Variants in GRIK3 observed in about 807,000 individuals in gnomAD.
GRIK3 encodes glutamate ionotropic receptor kainate type subunit 3, also known as glutamate receptor ionotropic, kainate 3.
In GRIK3, 29 loss-of-function variants were observed where a neutral mutation model predicts 102.5. That is an observed-to-expected ratio of 0.28 (90% confidence interval 0.21 to 0.39). The LOEUF is 0.39. Ranked by LOEUF, GRIK3 falls within the 10% of genes least tolerant of loss-of-function variation. The probability of loss-of-function intolerance (pLI) is 1.00; values close to 1 mark genes in which losing one functional copy is unlikely to be tolerated. For missense variants in GRIK3, 908 were observed against 1,252.4 expected (o/e 0.73, Z 4.15); for synonymous variants, 511 against 504.9 (o/e 1.01, Z -0.16).
intron 13 of GRIK3, among the ~76,000 whole-genome samples, chr1:36,807,908 C>T (rs1642518050): frequency 6.6e-6 from 1 of 152,200 alleles, no homozygotes; most frequent in Admixed American, 6.5e-5. Flanking sequence ...ATGCCTGCAG[C>T]TCTCACTGGC....
chr1:36,823,239 C>T (rs577845995), intron 11 of GRIK3, among the ~76,000 whole-genome samples: 29 of 152,044 alleles, frequency 1.9e-4, no homozygotes, highest in African/African-American at 6.7e-4. Flanking sequence ...TTTGGGAGGC[C>T]GAGACGGGTG....
At chr1:36,993,948 C>G (rs1642388598) in intron 1 of GRIK3, among the ~76,000 whole-genome samples, 2 of 152,202 alleles carry the variant, frequency 1.3e-5, no homozygotes, top group South Asian at 4.1e-4. Flanking sequence ...AATCCTGCTT[C>G]CCTCCCTTCT....
Position 37,032,428 on chromosome 1 carries a change from G to A in GRIK3, c.115+1566C>T, listed in dbSNP as rs575773663. ...TTCCCCAAGGACACCCTACGACGCA[G>A]GCCCCCAAAAAAGCAGAGGGAAGGA... On this transcript the variant is annotated intron_variant, in intron 1 of 15. Transcript: ENST00000373091. 1.8e-4 allele frequency among the ~76,000 whole-genome samples: 28 copies of A among 152,138 alleles called. 1 individual carries two copies. The South Asian group carries it at 5.6e-3, about 30-fold the overall frequency.
At position 36,801,722 on chromosome 1, in the gene GRIK3, C is replaced by A; in HGVS notation, c.*129G>T. ...CTTCCTGGCAGGTAAGGGCAGGAGG[C>A]TCCTGGCCCAACAGGCAGGTGGCAG... is the stretch of plus-strand genomic sequence containing the variant. On this transcript the variant is annotated 3_prime_UTR_variant, in exon 16 of 16. Transcript: ENST00000373091. 1 of 719,780 alleles carries A rather than the reference C, an allele frequency of 1.4e-6. No homozygotes were observed. Among genetic ancestry groups the A allele is most frequent in the Non-Finnish European group, 2.1e-6 (1 of 466,824 alleles). The allele number at this position is 719,780 out of a possible 1,614,324, so 44.6% of individuals were successfully genotyped here.
At chr1:36,924,556 C>G (rs1641507512) in intron 1 of GRIK3, among the ~76,000 whole-genome samples, 1 of 152,140 alleles carries the variant, frequency 6.6e-6, no homozygotes, top group Non-Finnish European at 1.5e-5. Context: ...CTGCTGGGTA[C>G]CCGGTTGGGG....
At chr1:36,814,321 G>A (rs1007066462) in intron 13 of GRIK3, among the ~76,000 whole-genome samples, 5 of 152,142 alleles carry the variant, frequency 3.3e-5, no homozygotes, top group Non-Finnish European at 7.4e-5. Context: ...GGGTTCATGC[G>A]TTATGCATGA....
intron 1 of GRIK3, among the ~76,000 whole-genome samples, chr1:37,001,569 C>T (rs1266910881): frequency 6.6e-6 from 1 of 151,836 alleles, no homozygotes; most frequent in Non-Finnish European, 1.5e-5. Flanking sequence ...GAGGCCTGGC[C>T]ATTTGCTCAT....
chr1:36,874,919 A>G (rs1241956227), intron 3 of GRIK3, among the ~76,000 whole-genome samples: 6 of 152,224 alleles, frequency 3.9e-5, no homozygotes, highest in African/African-American at 1.4e-4. Context: ...AGCCCACTCC[A>G]GCAGAGGACT....
chr1:36,909,949 A>G (rs1435677013), intron 1 of GRIK3, among the ~76,000 whole-genome samples: 1 of 152,182 alleles, frequency 6.6e-6, no homozygotes, highest in Non-Finnish European at 1.5e-5. Context: ...TCTGCCTCCC[A>G]GGTGAGGATG....
intron 2 of GRIK3, among the ~76,000 whole-genome samples, chr1:36,887,756 C>CAA (rs375757853): frequency 1.7e-4 from 18 of 103,634 alleles, no homozygotes; most frequent in African/African-American, 6.3e-4. Context: ...AATTCCATCT[C>CAA]AAAAAAAAAA....
chr1:36,876,997 C>A (rs891516676), intron 3 of GRIK3, among the ~76,000 whole-genome samples: 1 of 152,174 alleles, frequency 6.6e-6, no homozygotes, highest in African/African-American at 2.4e-5. Flanking sequence ...TATCCTATCT[C>A]CTTTTGAGAA....
intron 1 of GRIK3, among the ~76,000 whole-genome samples, chr1:36,922,012 CT>C (rs971684641): frequency 6.6e-6 from 1 of 152,152 alleles, no homozygotes; most frequent in Non-Finnish European, 1.5e-5. Context: ...TTTTATGCTG[CT>C]CATCAGGGCC....
In GRIK3 at chr1:36,857,080, G is replaced by A. The variant is rs569373929; in HGVS notation, c.1104+2028C>T. On this transcript the variant is annotated intron_variant, in intron 7 of 15. Coordinates refer to ENST00000373091, the MANE Select transcript of GRIK3 (RefSeq NM_000831.4). ...GTGCTATTTTTATCTCCACTGGACA[G>A]AGGAGGACACTGAGGCACAGAAAGC... is the stretch of plus-strand genomic sequence containing the variant. Among the ~76,000 whole-genome samples, 10 of 152,344 alleles carry A rather than the reference G, an allele frequency of 6.6e-5. No homozygotes were observed. In the East Asian group the frequency reaches 1.9e-3, roughly 29 times the overall value.
At chr1:36,975,027 A>ATCTGTACCCATGTAT in intron 1 of GRIK3, among the ~76,000 whole-genome samples, 1 of 152,248 alleles carries the variant, frequency 6.6e-6, no homozygotes, top group South Asian at 2.1e-4. Flanking sequence ...TTTCATGGGT[A>ATCTGTACCCATGTAT]CAGAGTTTCT....
At chr1:36,987,732 C>A (rs1359465404) in intron 1 of GRIK3, among the ~76,000 whole-genome samples, 1 of 152,082 alleles carries the variant, frequency 6.6e-6, no homozygotes, top group African/African-American at 2.4e-5. Context: ...ATGGGTACAG[C>A]CCAGGCCAGG....
intron 1 of GRIK3, among the ~76,000 whole-genome samples, chr1:36,932,021 C>T (rs1273803045): frequency 6.6e-6 from 1 of 152,200 alleles, no homozygotes; most frequent in Non-Finnish European, 1.5e-5. Flanking sequence ...CTGAAGCTCA[C>T]TGTGACGGCC....
intron 7 of GRIK3, among the ~76,000 whole-genome samples, chr1:36,857,787 G>A (rs1180429414): frequency 6.6e-6 from 1 of 152,210 alleles, no homozygotes; most frequent in Admixed American, 6.5e-5. Flanking sequence ...CCCCATCCAA[G>A]GTGGGGAGTT....
chr1:36,971,504 TG>T (rs1378887052), intron 1 of GRIK3, among the ~76,000 whole-genome samples: 2 of 152,174 alleles, frequency 1.3e-5, no homozygotes, highest in African/African-American at 4.8e-5. Flanking sequence ...CACTTAGAGT[TG>T]GGCCTCTAAA....
rs554431749 is a variant in GRIK3 at position 36,926,396 on chromosome 1, T to A, written c.116-35300A>T. 1.8e-3 allele frequency among the ~76,000 whole-genome samples: 241 copies of A among 134,790 alleles called. 1 individual carries two copies. Among genetic ancestry groups the A allele is most frequent in the Non-Finnish European group, 2.8e-3 (180 of 64,574 alleles). The allele number at this position is 134,790 out of a possible 152,430, so 88.4% of individuals were successfully genotyped here. A position where few individuals can be genotyped will look rare whatever the true frequency, so the allele number is the denominator to read the frequency against. Reference sequence around the variant, plus strand: ...TCCCTTCATCCCCTCTACGCCCCACTTTTTTTTTTTTTGAGATGGAGTCTC... The same window carrying A: ...TCCCTTCATCCCCTCTACGCCCCACATTTTTTTTTTTTGAGATGGAGTCTC... On this transcript the variant is annotated intron_variant, in intron 1 of 15. Transcript: ENST00000373091.
Sources: gnomAD v4.1 joint callset for allele counts (sites outside exome capture counted in the v4.1 genomes callset) on GRCh38, gnomAD v4.1.1 for gene constraint, MANE v1.5 for transcripts, NCBI Gene and HGNC (gene_info 2026-07-23, HGNC 2026-07-21) for gene names.